The following TENM3 variants were observed in gnomAD, a reference collection of about 807,000 sequenced individuals.
The protein encoded by TENM3 is teneurin transmembrane protein 3, also known as teneurin-3.
In TENM3, 63 loss-of-function variants were observed where a neutral mutation model predicts 255.1. That is an observed-to-expected ratio of 0.25 (90% CI 0.20 to 0.30). The LOEUF is 0.30. Among genes scored for constraint, TENM3 ranks in the 10% least tolerant of loss-of-function variants. The pLI is 1.00. For synonymous variants in TENM3, 1,306 were observed against 1,322.3 expected, an observed-to-expected ratio of 0.99 and a Z score of 0.27; for missense variants, 2,929 against 3,461.1, an observed-to-expected ratio of 0.85 and a Z score of 3.86.
chr4:181,985,291 G>A, the TENM3 span, among the ~76,000 whole-genome samples: 11 of 150,176 alleles, frequency 7.3e-5, no homozygotes, highest in Admixed American at 2.0e-4. Flanking sequence ...AGGCTTTATT[G>A]TAGCAAATCA....
the TENM3 span, among the ~76,000 whole-genome samples, chr4:182,022,695 G>A: frequency 6.6e-6 from 1 of 151,468 alleles, no homozygotes; most frequent in South Asian, 2.1e-4. Context: ...TTTTTCTTTT[G>A]TATTTTTAAA....
chr4:181,761,093 A>T, the TENM3 span, among the ~76,000 whole-genome samples: 1 of 151,680 alleles, frequency 6.6e-6, no homozygotes, highest in South Asian at 2.1e-4. Context: ...TAATCAAATT[A>T]CTCTAAACGT....
intron 3 of TENM3, among the ~76,000 whole-genome samples, chr4:182,434,007 G>C (rs747041303): frequency 2.0e-5 from 3 of 152,022 alleles, no homozygotes; most frequent in Admixed American, 2.0e-4. Context: ...CCTGCTGCTC[G>C]GGAGACTGAG....
chr4:182,539,975 C>T (rs1291830709), intron 3 of TENM3, among the ~76,000 whole-genome samples: 1 of 152,176 alleles, frequency 6.6e-6, no homozygotes, highest in African/African-American at 2.4e-5. Context: ...GTATCCCCAG[C>T]GTCTGGAACA....
At chr4:182,402,606 C>CT (rs1769282959) in intron 3 of TENM3, among the ~76,000 whole-genome samples, 1 of 152,084 alleles carries the variant, frequency 6.6e-6, no homozygotes, top group African/African-American at 2.4e-5. Context: ...TACTTCTCTT[C>CT]TTTTTTTAGG....
upstream of TENM3, among the ~76,000 whole-genome samples, chr4:182,238,858 G>A (rs78692752): frequency 0.014 from 2,164 of 151,948 alleles, 45 homozygotes; most frequent in African/African-American, 0.048. Context: ...GTTACCTACC[G>A]CGGTGACTCA....
At chr4:181,676,564 T>C in the TENM3 span, among the ~76,000 whole-genome samples, 1 of 152,106 alleles carries the variant, frequency 6.6e-6, no homozygotes, top group African/African-American at 2.4e-5. Context: ...CCAGGACTTT[T>C]TCTTAATCTT....
At chr4:181,821,601 C>T in the TENM3 span, 7 of 152,032 alleles carry the variant, frequency 4.6e-5, no homozygotes, top group Non-Finnish European at 8.8e-5. Flanking sequence ...TCTGCCTGAG[C>T]GGTATTTATA....
chr4:182,016,427 G>A, the TENM3 span, among the ~76,000 whole-genome samples: 1 of 152,288 alleles, frequency 6.6e-6, no homozygotes, highest in South Asian at 2.1e-4. Context: ...GATGGTATTT[G>A]TTAAGGCAGG....
chr4:181,454,836 C>T, the TENM3 span, among the ~76,000 whole-genome samples: 1 of 151,840 alleles, frequency 6.6e-6, no homozygotes, highest in African/African-American at 2.4e-5. Context: ...GGTGTGTAGT[C>T]AGTTCTACCT....
At chr4:181,769,101 T>C in the TENM3 span, among the ~76,000 whole-genome samples, 7 of 152,194 alleles carry the variant, frequency 4.6e-5, no homozygotes, top group African/African-American at 1.7e-4. Flanking sequence ...GATTGGATTT[T>C]ATAGGGTAGC....
At chr4:182,325,164 T>A (rs1270796230) in intron 2 of TENM3, among the ~76,000 whole-genome samples, 1 of 152,174 alleles carries the variant, frequency 6.6e-6, no homozygotes, top group Admixed American at 6.5e-5. Flanking sequence ...AAAAATAAAT[T>A]AAACTTTAAT....
At chr4:182,386,447 TC>T (rs527902263) in intron 3 of TENM3, among the ~76,000 whole-genome samples, 166 of 152,356 alleles carry the variant, frequency 1.1e-3, no homozygotes, top group African/African-American at 3.9e-3. Context: ...CTGCCTGGGT[TC>T]CCACTTTGGC....
chr4:181,715,137 C>T, the TENM3 span, among the ~76,000 whole-genome samples: 1 of 152,172 alleles, frequency 6.6e-6, no homozygotes, highest in African/African-American at 2.4e-5. Context: ...ACTTTGAGAA[C>T]CACTACTGTA....
At chr4:182,722,216 A>G (rs569858538) in intron 13 of TENM3, among the ~76,000 whole-genome samples, 20 of 152,182 alleles carry the variant, frequency 1.3e-4, no homozygotes, top group Non-Finnish European at 2.9e-4. Flanking sequence ...ATTAATCAAG[A>G]ACATTTTTAA....
intron 22 of TENM3, among the ~76,000 whole-genome samples, chr4:182,771,219 G>T (rs897840511): frequency 2.0e-5 from 3 of 152,202 alleles, no homozygotes; most frequent in African/African-American, 7.2e-5. Context: ...CAGGAGAAAG[G>T]TGAAGTTTCT....
the TENM3 span, among the ~76,000 whole-genome samples, chr4:181,490,008 T>C: frequency 6.6e-6 from 1 of 152,218 alleles, no homozygotes; most frequent in South Asian, 2.1e-4. Flanking sequence ...AAATATGACC[T>C]ATTTTAGTTA....
chr4:182,057,644 C>T, the TENM3 span, among the ~76,000 whole-genome samples: 1 of 151,604 alleles, frequency 6.6e-6, no homozygotes, highest in Non-Finnish European at 1.5e-5. Flanking sequence ...CAAGTGATCC[C>T]CCTGCCTTCG....
the TENM3 span, among the ~76,000 whole-genome samples, chr4:181,926,493 G>T: frequency 6.6e-6 from 1 of 152,066 alleles, no homozygotes; most frequent in East Asian, 1.9e-4. Context: ...AGAAAATTGA[G>T]ACTGGCATCC....
Sources: gnomAD v4.1 joint callset for allele counts (sites outside exome capture counted in the v4.1 genomes callset) on GRCh38, gnomAD v4.1.1 for gene constraint, MANE v1.5 for transcripts, NCBI Gene and HGNC (gene_info 2026-07-23, HGNC 2026-07-21) for gene names.